Variants in BTBD8 observed in about 807,000 individuals in gnomAD.
The protein encoded by BTBD8 is BTB/POZ domain-containing protein 8.
A neutral mutation model predicts 162.9 loss-of-function variants in BTBD8; 110 were observed. The ratio of observed to expected loss-of-function variants is 0.68; its 90% CI spans 0.58 to 0.79. The LOEUF is 0.79. Among genes scored for constraint, BTBD8 ranks in the 30% least tolerant of loss-of-function variants. The pLI, the probability that BTBD8 is intolerant of heterozygous loss-of-function variation, is 0.00. For missense variants in BTBD8, 1,905 were observed against 2,085.4 expected (o/e 0.91, Z 1.68); for synonymous variants, 667 against 716.1 (o/e 0.93, Z 1.10).
rs1648237046 is a variant in BTBD8, at chr1:92,089,259, A to G, written c.347+364A>G. Among the ~76,000 whole-genome samples the G allele has an allele frequency of 2.0e-5, 3 of 152,060 alleles. No homozygotes were observed. The South Asian group carries it at 6.2e-4, about 32-fold the overall frequency. ...TACTGGCATTTCAGGTTGTATAATT[A>G]TTTGTTGTGGGGACAATGCTGTGCA... On this transcript the variant is annotated intron_variant, in intron 2 of 17. Coordinates refer to ENST00000636805, the MANE Select transcript of BTBD8 (RefSeq NM_001376131.1).
chr1:92,089,950 TTTAAA>T (rs1648255009), intron 2 of BTBD8, among the ~76,000 whole-genome samples: 1 of 152,240 alleles, frequency 6.6e-6, no homozygotes, highest in Admixed American at 6.5e-5. Context: ...GAGAAACTAG[TTTAAA>T]TTAATCTTCA....
intron 9 of BTBD8, among the ~76,000 whole-genome samples, chr1:92,158,808 C>T (rs1650219821): frequency 6.6e-6 from 1 of 152,166 alleles, no homozygotes; most frequent in Non-Finnish European, 1.5e-5. Flanking sequence ...CAGGATCTCA[C>T]TCTGTCACCC....
At position 92,088,748 on chromosome 1, in the gene BTBD8, C is replaced by T; in HGVS notation, c.200C>T (p.Thr67Ile). 2 of 1,612,382 alleles carry T rather than the reference C, an allele frequency of 1.2e-6. No homozygotes were observed. The highest frequency in any genetic ancestry group is 2.2e-5 in the South Asian group (2 of 90,860). ...GATGTTACCTTCTCTGTGGGTTGTA[C>T]TTTGTTCAAAGCACACAAAGCAGTC... The part of the protein sequence containing the change: ...HTDVTFSVGC[T>I]LFKAHKAVLL... Residue 67 changes from threonine to isoleucine, a missense_variant, in exon 2 of 18, where the codon ACT becomes ATT. Thr to Ile is a moderately conservative substitution (Grantham distance 89). Around this residue, in one of 3 missense-constraint regions of BTBD8, gnomAD observed 1,374 missense variants for 1,442.7 expected, o/e 0.95. Coordinates refer to ENST00000636805, the MANE Select transcript of BTBD8 (RefSeq NM_001376131.1).
At chr1:92,087,583 G>C (rs539781547) in intron 1 of BTBD8, among the ~76,000 whole-genome samples, 24 of 152,278 alleles carry the variant, frequency 1.6e-4, no homozygotes, top group African/African-American at 5.8e-4. Context: ...TGAAGATACA[G>C]TTTTTGTCCG....
intron 1 of BTBD8, among the ~76,000 whole-genome samples, chr1:92,087,896 A>G (rs1014962964): frequency 6.6e-6 from 1 of 152,198 alleles, no homozygotes; most frequent in Non-Finnish European, 1.5e-5. Context: ...AGTGATATGA[A>G]GTTTTATTTA....
chr1:92,161,193 AG>A (rs768182989), intron 9 of BTBD8, among the ~76,000 whole-genome samples: 2 of 152,186 alleles, frequency 1.3e-5, no homozygotes, highest in African/African-American at 2.4e-5. Flanking sequence ...TTGTTGAATC[AG>A]TGTGTTCATG....
chr1:92,119,737 C>G (rs532452236), intron 4 of BTBD8, among the ~76,000 whole-genome samples: 24 of 151,470 alleles, frequency 1.6e-4, no homozygotes, highest in African/African-American at 5.8e-4. Context: ...CGCCGTTCTC[C>G]TGCCTCAGCA....
Position 92,080,466 on chromosome 1 carries a change from T to G in BTBD8, c.-106T>G. On this transcript the variant is annotated 5_prime_UTR_variant, in exon 1 of 18. Coordinates refer to ENST00000636805, the MANE Select transcript of BTBD8 (RefSeq NM_001376131.1). ...TCAACCTTTTACCCTAGGGGGCGGA[T>G]TTGGGTAGGAGCCGAGCGTTCGGTC... 27 of 1,486,294 alleles carry G rather than the reference T, an allele frequency of 1.8e-5. No homozygotes were observed. Among genetic ancestry groups the G allele is most frequent in the East Asian group, 2.4e-5 (1 of 41,588 alleles). 92.1% of individuals were successfully genotyped at this position (1,486,294 alleles called of 1,614,324 possible).
At position 92,181,778 on chromosome 1, in the gene BTBD8, A is replaced by G; in HGVS notation, c.4095A>G (p.Pro1365=). The G allele has an allele frequency of 1.3e-6, 2 of 1,551,288 alleles. No homozygotes were observed. Among genetic ancestry groups the G allele is most frequent in the Non-Finnish European group, 1.7e-6 (2 of 1,146,928 alleles). ...ACTCTAGGGAAAGAGAAAATATTCC[A>G]CGAGGCAGTGTCCAGTTTGCTCAGG... is the stretch of plus-strand genomic sequence containing the variant. ...IVHSRERENI[P]RGSVQFAQEI... is the part of the protein sequence containing the mutation. The change falls in exon 17 of 18, where the codon CCA becomes CCG. Residue 1365 remains proline, a synonymous_variant. Coordinates refer to ENST00000636805, the MANE Select transcript of BTBD8 (RefSeq NM_001376131.1).
chr1:92,156,079 A>G (rs1415640556), intron 9 of BTBD8, among the ~76,000 whole-genome samples: 1 of 152,190 alleles, frequency 6.6e-6, no homozygotes, highest in Admixed American at 6.5e-5. Context: ...GGCCTCTATT[A>G]TGTTGAGATA....
Position 92,167,129 on chromosome 1 carries a change from C to T in BTBD8, c.1294C>T (p.Leu432Phe), listed in dbSNP as rs1187294049. 6.4e-7 allele frequency: 1 copy of T among 1,550,470 alleles called. No individual in the cohort carries two copies. The highest frequency in any genetic ancestry group is 1.4e-5 in the African/African-American group (1 of 73,154). The change falls in exon 10 of 18, where the codon CTT becomes TTT. Residue 432 changes from leucine to phenylalanine, a missense_variant. Coordinates refer to ENST00000636805, the MANE Select transcript of BTBD8 (RefSeq NM_001376131.1). ...SKIIQSENFA[L>F]LLQSQAMSST... is the part of the protein sequence containing the mutation. ...GATTATTCAGAGTGAAAATTTTGCT[C>T]TTCTTTTACAGGTACTATGCCTAAA...
intron 4 of BTBD8, among the ~76,000 whole-genome samples, chr1:92,124,357 C>G (rs1218078558): frequency 6.6e-6 from 1 of 152,204 alleles, no homozygotes; most frequent in Non-Finnish European, 1.5e-5. Flanking sequence ...GGAAGCCATT[C>G]CAGAAGTGTC....
chr1:92,181,276 C>T lies in BTBD8; in HGVS notation c.3593C>T (p.Ser1198Phe). Residue 1198 changes from serine (S) to phenylalanine (F), a missense_variant, in exon 17 of 18, where the codon TCT becomes TTT. Ser to Phe is a radical substitution (Grantham distance 155, BLOSUM62 -2). This residue lies in a region of BTBD8 where 1,374 missense variants were observed against 1,442.7 expected (regional missense o/e 0.95). Transcript: ENST00000636805. ...CATGCTACAGCAGACTCAGATGTAT[C>T]TTCCAAGTGTTTTTCGGGACAGCTA... ...DKHATADSDV[S>F]SKCFSGQLSE... 6.4e-7 allele frequency: 1 copy of T among 1,551,658 alleles called. No individual in the cohort carries two copies. Among genetic ancestry groups the T allele is most frequent in the Non-Finnish European group, 8.7e-7 (1 of 1,146,976 alleles).
At chr1:92,139,466 G>A in intron 6 of BTBD8, 36 bp downstream of exon 6, 3 of 1,583,838 alleles carry the variant, frequency 1.9e-6, no homozygotes, top group Middle Eastern at 2.2e-4. Flanking sequence ...AAATATAAAA[G>A]AGTTAGGTTC....
Position 92,175,477 on chromosome 1 carries a change from C to CAA in BTBD8, c.1636-1331_1636-1330dup, listed in dbSNP as rs71091265. Among the ~76,000 whole-genome samples, 86 of 37,412 alleles carry CAA rather than the reference C, an allele frequency of 2.3e-3. 7 individuals are homozygous for CAA. The highest frequency in any genetic ancestry group is 5.0e-3 in the African/African-American group (51 of 10,258). The allele number at this position is 37,412 out of a possible 152,430, so 24.5% of individuals were successfully genotyped here. On this transcript the variant is annotated intron_variant, in intron 13 of 17. Coordinates refer to ENST00000636805, the MANE Select transcript of BTBD8 (RefSeq NM_001376131.1). ...CTGGCAACAGAGCAAGACTCCATCTCAAAAAAAAAAAAAAAAAAAAAAGAA... is the reference window on the plus strand; with the variant it reads ...CTGGCAACAGAGCAAGACTCCATCTCAAAAAAAAAAAAAAAAAAAAAAAAGAA...
At chr1:92,094,312 T>C (rs1203659624) in intron 2 of BTBD8, among the ~76,000 whole-genome samples, 2 of 152,234 alleles carry the variant, frequency 1.3e-5, no homozygotes, top group African/African-American at 4.8e-5. Flanking sequence ...AAAGCACTTG[T>C]GACGTACCCT....
chr1:92,149,272 C>T (rs1649992806), intron 9 of BTBD8, among the ~76,000 whole-genome samples: 1 of 152,116 alleles, frequency 6.6e-6, no homozygotes, highest in Non-Finnish European at 1.5e-5. Flanking sequence ...TAATAGTTAA[C>T]TTTGTATCTA....
intron 12 of BTBD8, 64 bp downstream of exon 12, chr1:92,169,059 G>A: frequency 1.4e-6 from 2 of 1,406,278 alleles, no homozygotes; most frequent in Non-Finnish European, 9.6e-7. Flanking sequence ...GATATTTTGA[G>A]GGCATTCTGA....
intron 5 of BTBD8, among the ~76,000 whole-genome samples, chr1:92,133,838 C>T (rs926598589): frequency 1.4e-4 from 21 of 152,030 alleles, no homozygotes; most frequent in Middle Eastern, 3.2e-3. Context: ...GGCGTGGTGG[C>T]GGGCGCCTGT....
Sources: gnomAD v4.1 joint callset for allele counts (sites outside exome capture counted in the v4.1 genomes callset) on GRCh38, gnomAD v4.1.1 for gene constraint, gnomAD v4.1.1 regional missense constraint, MANE v1.5 for transcripts, NCBI Gene and HGNC (gene_info 2026-07-23, HGNC 2026-07-21) for gene names.